The following HOXA3 variants were observed in gnomAD, a reference collection of about 807,000 sequenced individuals.
The protein encoded by HOXA3 is homeobox protein Hox-A3.
In HOXA3, 8 loss-of-function variants were observed where a neutral mutation model predicts 30.3. The observed-to-expected ratio is 0.26, with a 90% confidence interval of 0.15 to 0.48. The LOEUF (loss-of-function observed/expected upper bound fraction) is 0.48, where lower values mean the gene tolerates loss of function less well. HOXA3 is among the 20% of genes least tolerant of loss of function. The pLI is 0.99. For missense variants in HOXA3, 653 were observed against 614.4 expected (o/e 1.06, Z -0.66); for synonymous variants, 323 against 273.1 (o/e 1.18, Z -1.80).
chr7:27,139,776 C>T (rs904825065), intron 2 of HOXA3, among the ~76,000 whole-genome samples: 2 of 152,178 alleles, frequency 1.3e-5, no homozygotes, highest in African/African-American at 2.4e-5. Flanking sequence ...CACACACAGG[C>T]CCATTCGCAC....
intron 4 of HOXA3, among the ~76,000 whole-genome samples, chr7:27,118,286 T>C (rs1044325774): frequency 4.0e-5 from 6 of 151,714 alleles, no homozygotes; most frequent in Non-Finnish European, 8.8e-5. Context: ...AGGAGGTGGG[T>C]GCGTGGGGGT....
At chr7:27,137,301 T>C (rs1562725733) in intron 2 of HOXA3, among the ~76,000 whole-genome samples, 3 of 152,102 alleles carry the variant, frequency 2.0e-5, no homozygotes, top group African/African-American at 7.2e-5. Context: ...AATTAGACCA[T>C]GGAAACCCTA....
chr7:27,147,319 T>C, intron 1 of HOXA3: 1 of 1,613,658 alleles, frequency 6.2e-7, no homozygotes, highest in Non-Finnish European at 8.5e-7. Flanking sequence ...CGCGCAGGAG[T>C]TCATCCGCTG....
chr7:27,124,781 C>G (rs1562719702), intron 3 of HOXA3, among the ~76,000 whole-genome samples: 1 of 152,218 alleles, frequency 6.6e-6, no homozygotes, highest in East Asian at 1.9e-4. Flanking sequence ...CAACCAGGGT[C>G]CTTTTTTTGG....
Position 27,130,875 on chromosome 7 carries a change from C to T in HOXA3, c.-389-3805G>A, listed in dbSNP as rs1189379606. 5 of 814,216 alleles carry T rather than the reference C, an allele frequency of 6.1e-6. No individual in the cohort carries two copies. In the African/African-American group the frequency reaches 8.7e-5, roughly 14 times the overall value. 50.4% of individuals were successfully genotyped at this position (814,216 alleles called of 1,614,324 possible). ...CTCCCCCCGCTGTCAAGTGCCCACT[C>T]CTCCCCCTCCCGCAGACGCCGCCAC... On this transcript the variant is annotated intron_variant, in intron 2 of 5. Transcript: ENST00000612286.
At chr7:27,119,473 G>C (rs1784902422) in intron 4 of HOXA3, 1 of 152,200 alleles carries the variant, frequency 6.6e-6, no homozygotes, top group Non-Finnish European at 1.5e-5. Flanking sequence ...CCCTACTCCT[G>C]CCTTCTGCCT....
chr7:27,110,820 T>A, intron 4 of HOXA3, 60 bp from the exon 5 acceptor site: 2 of 800,344 alleles, frequency 2.5e-6, no homozygotes, highest in Non-Finnish European at 3.8e-6. Flanking sequence ...TTACTCTCAA[T>A]AGCTAAGTGA....
chr7:27,110,036 C>G, intron 5 of HOXA3, 79 bp downstream of exon 5: 1 of 1,533,936 alleles, frequency 6.5e-7, no homozygotes, highest in Non-Finnish European at 9.0e-7. Context: ...CGCTCCTAGG[C>G]TGTGCTGGAT....
intron 1 of HOXA3, among the ~76,000 whole-genome samples, chr7:27,142,511 T>A (rs1782605538): frequency 6.6e-6 from 1 of 152,136 alleles, no homozygotes; most frequent in South Asian, 2.1e-4. Flanking sequence ...GTTTCCAGCC[T>A]GCAGGGTTGG....
chr7:27,130,332 G>T lies in HOXA3; in HGVS notation c.-389-3262C>A, dbSNP rs1190512309. ...GCGGCGGCAGCTGGGGCTGCAGGACGTGGCTCGCATGCAGGCCGTGCGCTG... is the reference window on the plus strand; with the variant it reads ...GCGGCGGCAGCTGGGGCTGCAGGACTTGGCTCGCATGCAGGCCGTGCGCTG... On this transcript the variant is annotated intron_variant, in intron 2 of 5. Coordinates refer to ENST00000612286, the MANE Select transcript of HOXA3 (RefSeq NM_153631.3). 1.8e-6 allele frequency: 2 copies of T among 1,106,204 alleles called. No homozygotes were observed. The highest frequency in any genetic ancestry group is 2.2e-6 in the Non-Finnish European group (2 of 907,820). The allele number at this position is 1,106,204 out of a possible 1,614,324, so 68.5% of individuals were successfully genotyped here.
chr7:27,131,770 G>A (rs1484602811), intron 2 of HOXA3, among the ~76,000 whole-genome samples: 5 of 152,176 alleles, frequency 3.3e-5, no homozygotes, highest in Non-Finnish European at 7.4e-5. Context: ...TAAACACCTT[G>A]CCGGGTCTGA....
At chr7:27,114,842 T>TC (rs1784605493) in intron 4 of HOXA3, among the ~76,000 whole-genome samples, 1 of 103,800 alleles carries the variant, frequency 9.6e-6, no homozygotes, top group African/African-American at 3.3e-5. Flanking sequence ...ATATTATATA[T>TC]ATAATATATA....
intron 4 of HOXA3, chr7:27,115,394 A>T (rs1372406575): frequency 6.6e-6 from 1 of 152,232 alleles, no homozygotes; most frequent in South Asian, 2.1e-4. Flanking sequence ...GTAGGAGGTG[A>T]GAGCCAGCCG....
At chr7:27,126,742 C>T (rs1037296581) in intron 3 of HOXA3, 144 bp downstream of exon 3, 1 of 152,162 alleles carries the variant, frequency 6.6e-6, no homozygotes, top group African/African-American at 2.4e-5. Context: ...GATCTCAATC[C>T]TCTCTCTTCC....
At chr7:27,141,526 G>GT (rs5883063) in intron 1 of HOXA3, 147,947 of 216,190 alleles carry the variant, frequency 0.68, 51,936 homozygotes, top group East Asian at 0.8. Context: ...CTTTTTGTGT[G>GT]TTTTTTTTTC....
chr7:27,128,135 G>T (rs986865945), intron 2 of HOXA3: 2 of 152,222 alleles, frequency 1.3e-5, no homozygotes, highest in South Asian at 4.1e-4. Context: ...TCAGAGTTCA[G>T]TGTGTAGAAC....
At chr7:27,117,523 G>A (rs572692455) in intron 4 of HOXA3, among the ~76,000 whole-genome samples, 2 of 152,140 alleles carry the variant, frequency 1.3e-5, no homozygotes, top group African/African-American at 4.8e-5. Context: ...CGGGCCCTCC[G>A]GTTCAGATCC....
At chr7:27,143,301 A>C in intron 1 of HOXA3, 1 of 1,601,668 alleles carries the variant, frequency 6.2e-7, no homozygotes, top group Non-Finnish European at 8.5e-7. Context: ...ACGGCGGAGC[A>C]GGGCAGCGGA....
intron 4 of HOXA3, among the ~76,000 whole-genome samples, chr7:27,112,251 T>C (rs1379966927): frequency 6.6e-5 from 10 of 152,206 alleles, no homozygotes; most frequent in Non-Finnish European, 1.2e-4. Flanking sequence ...CAAAAGAAAA[T>C]GGTTAACATG....
Sources: allele counts gnomAD v4.1 joint callset (sites outside exome capture counted in the v4.1 genomes callset), GRCh38; gene constraint gnomAD v4.1.1; transcripts MANE v1.5; gene names NCBI Gene and HGNC (gene_info 2026-07-23, HGNC 2026-07-21).